The following ETFRF1 variants were observed in gnomAD, a reference collection of about 807,000 sequenced individuals.
ETFRF1 encodes the protein electron transfer flavoprotein regulatory factor 1, also known as LYR motif containing 5.
ETFRF1 carries 12 observed loss-of-function variants against 9.0 expected under a neutral mutation model. That is an observed-to-expected ratio of 1.34 (90% confidence interval 0.86 to 2.16). ETFRF1 has a LOEUF of 2.16. Among genes scored for constraint, ETFRF1 ranks in the 30% most tolerant of loss-of-function variants. The pLI, the probability that ETFRF1 is intolerant of heterozygous loss-of-function variation, is 0.00. For missense variants in ETFRF1, 98 were observed against 101.8 expected, an observed-to-expected ratio of 0.96 and a Z score of 0.16; for synonymous variants, 34 against 33.2, an observed-to-expected ratio of 1.02 and a Z score of -0.08.
At chr12:25,196,511 A>G (rs1192678600) in intron 1 of ETFRF1, among the ~76,000 whole-genome samples, 4 of 152,200 alleles carry the variant, frequency 2.6e-5, no homozygotes, top group Admixed American at 2.0e-4. Flanking sequence ...TGGCCACCAC[A>G]TAACCCCCAG....
chr12:25,202,560 A>G (rs1228733801), intron 1 of ETFRF1, among the ~76,000 whole-genome samples: 1 of 152,026 alleles, frequency 6.6e-6, no homozygotes, highest in East Asian at 1.9e-4. Flanking sequence ...CTTGAGCCCA[A>G]GAAGGGTAGG....
At chr12:25,196,491 T>G (rs1335447709) in intron 1 of ETFRF1, among the ~76,000 whole-genome samples, 1 of 152,182 alleles carries the variant, frequency 6.6e-6, no homozygotes, top group East Asian at 1.9e-4. Context: ...GGAACAATGA[T>G]TAACAACTTT....
At chr12:25,198,873 A>G (rs1318358142) in intron 1 of ETFRF1, among the ~76,000 whole-genome samples, 1 of 152,098 alleles carries the variant, frequency 6.6e-6, no homozygotes, top group African/African-American at 2.4e-5. Flanking sequence ...ATTCAAGTGT[A>G]TATTCCAGGG....
intron 1 of ETFRF1, among the ~76,000 whole-genome samples, chr12:25,201,777 C>T (rs371426901): frequency 2.0e-5 from 3 of 152,006 alleles, no homozygotes; most frequent in Admixed American, 6.6e-5. Context: ...TATTGTACTT[C>T]GGGGTTCAAC....
chr12:25,197,410 A>G (rs562008837), intron 1 of ETFRF1, among the ~76,000 whole-genome samples: 1 of 152,318 alleles, frequency 6.6e-6, no homozygotes, highest in Admixed American at 6.5e-5. Flanking sequence ...AATTACATCT[A>G]TGTATATTTA....
At chr12:25,202,882 CACAT>C (rs1951087379) in intron 1 of ETFRF1, among the ~76,000 whole-genome samples, 2 of 152,156 alleles carry the variant, frequency 1.3e-5, no homozygotes, top group Admixed American at 1.3e-4. Flanking sequence ...AAGTCATACA[CACAT>C]ACAACACCTA....
At chr12:25,196,153 A>G (rs979958376) in intron 1 of ETFRF1, 1 of 152,230 alleles carries the variant, frequency 6.6e-6, no homozygotes, top group African/African-American at 2.4e-5. Flanking sequence ...TTAAAGTGTT[A>G]TTATCCCTAT....
chr12:25,195,954 C>A (rs1267439321), intron 1 of ETFRF1: 1 of 152,182 alleles, frequency 6.6e-6, no homozygotes, highest in Non-Finnish European at 1.5e-5. Flanking sequence ...TCAAGCCCGA[C>A]TGAGTTCTCT....
chr12:25,197,432 T>G (rs900394617), intron 1 of ETFRF1, among the ~76,000 whole-genome samples: 1 of 152,214 alleles, frequency 6.6e-6, no homozygotes, highest in African/African-American at 2.4e-5. Flanking sequence ...TTTTAAATTA[T>G]GTGAAAAGAA....
intron 1 of ETFRF1, among the ~76,000 whole-genome samples, chr12:25,197,188 T>C (rs7137734): frequency 0.25 from 37,305 of 151,758 alleles, 5,032 homozygotes; most frequent in East Asian, 0.36. Flanking sequence ...TTAATTCATA[T>C]AAGTTAACAT....
At chr12:25,199,515 C>A (rs1046074357) in intron 1 of ETFRF1, among the ~76,000 whole-genome samples, 2 of 150,210 alleles carry the variant, frequency 1.3e-5, no homozygotes, top group Admixed American at 1.3e-4. Flanking sequence ...GAAATGCCAG[C>A]AAAAGTCTAA....
chr12:25,199,347 G>A (rs1239328108), intron 1 of ETFRF1, among the ~76,000 whole-genome samples: 1 of 156 alleles, frequency 6.4e-3, no homozygotes, highest in African/African-American at 0.025. Flanking sequence ...GTACTATGTA[G>A]TATATAGTAA....
At chr12:25,198,381 G>A (rs544966976) in intron 1 of ETFRF1, among the ~76,000 whole-genome samples, 97 of 152,184 alleles carry the variant, frequency 6.4e-4, no homozygotes, top group Middle Eastern at 3.4e-3. Flanking sequence ...CCCCAGTAAA[G>A]GCCCACCCAG....
chr12:25,195,930 T>C (rs1592781839), intron 1 of ETFRF1: 1 of 152,220 alleles, frequency 6.6e-6, no homozygotes, highest in Admixed American at 6.5e-5. Context: ...TACAATTAAG[T>C]GAGGCTGTTC....
chr12:25,195,475 C>G, intron 1 of ETFRF1, 138 bp downstream of exon 1: 1 of 391,974 alleles, frequency 2.6e-6, no homozygotes, highest in East Asian at 5.7e-5. Flanking sequence ...GGTTTATTTC[C>G]TAGAGTGTGT....
chr12:25,196,581 C>T (rs938193192), intron 1 of ETFRF1, among the ~76,000 whole-genome samples: 2 of 152,234 alleles, frequency 1.3e-5, no homozygotes, highest in Non-Finnish European at 2.9e-5. Flanking sequence ...ACTCCTTAGC[C>T]TAGAATGACA....
chr12:25,195,284 A>T lies in ETFRF1; in HGVS notation c.-91A>T, dbSNP rs1950957805. 1 of 640,386 alleles carries T rather than the reference A, an allele frequency of 1.6e-6. No homozygotes were observed. The highest frequency in any genetic ancestry group is 2.8e-6 in the Non-Finnish European group (1 of 358,082). The allele number at this position is 640,386 out of a possible 1,614,324, so 39.7% of individuals were successfully genotyped here. ...CCAACGCCACCCCGCTTCGCAGTAG[A>T]CGGACAGAGGAGTCGTAGCGGTCGA... On this transcript the variant is annotated 5_prime_UTR_variant, in exon 1 of 3. Coordinates refer to ENST00000381356, the MANE Select transcript of ETFRF1 (RefSeq NM_001001660.3).
At chr12:25,202,407 G>A (rs1040506574) in intron 1 of ETFRF1, among the ~76,000 whole-genome samples, 1 of 152,098 alleles carries the variant, frequency 6.6e-6, no homozygotes, top group East Asian at 1.9e-4. Flanking sequence ...GCCTCTGGGG[G>A]TAGGGACTTG....
At chr12:25,195,411 G>GGGTGT (rs1950966057) in intron 1 of ETFRF1, 74 bp downstream of exon 1, 3 of 526,618 alleles carry the variant, frequency 5.7e-6, no homozygotes, top group Non-Finnish European at 6.9e-6. Context: ...AATATGCTCT[G>GGGTGT]GGCGAGGACC....
Sources: gnomAD v4.1 joint callset for allele counts (sites outside exome capture counted in the v4.1 genomes callset) on GRCh38, gnomAD v4.1.1 for gene constraint, MANE v1.5 for transcripts, NCBI Gene and HGNC (gene_info 2026-07-23, HGNC 2026-07-21) for gene names.